The following SCN10A variants were observed in gnomAD, a reference collection of about 807,000 sequenced individuals.
SCN10A encodes sodium voltage-gated channel alpha subunit 10.
Under a neutral mutation model 170.7 loss-of-function variants are expected in SCN10A, and 162 were observed. The observed-to-expected ratio is 0.95, with a 90% CI of 0.84 to 1.08. The LOEUF is 1.08. Ranked by LOEUF, SCN10A falls within the 50% of genes least tolerant of loss-of-function variation. The pLI, the probability that SCN10A is intolerant of heterozygous loss-of-function variation, is 0.00. For synonymous variants in SCN10A, 985 were observed against 904.6 expected, an observed-to-expected ratio of 1.09 and a Z score of -1.59; for missense variants, 2,527 against 2,436.9, an observed-to-expected ratio of 1.04 and a Z score of -0.78.
At chr3:38,775,305 G>T (rs992832658) in intron 4 of SCN10A, among the ~76,000 whole-genome samples, 9 of 152,054 alleles carry the variant, frequency 5.9e-5, no homozygotes, top group Admixed American at 3.9e-4. Context: ...GCCTGTTCTA[G>T]GTACCTACTA....
intron 4 of SCN10A, among the ~76,000 whole-genome samples, chr3:38,777,753 G>A (rs1469215980): frequency 1.3e-5 from 2 of 152,048 alleles, no homozygotes; most frequent in East Asian, 1.9e-4. Context: ...AGATTACTGG[G>A]AGAAACAGAT....
intron 15 of SCN10A, among the ~76,000 whole-genome samples, chr3:38,732,913 T>C (rs1236665791): frequency 6.6e-6 from 1 of 152,190 alleles, no homozygotes; most frequent in Admixed American, 6.5e-5. Context: ...GCTTCTAGAT[T>C]CCAGGCAGTG....
intron 1 of SCN10A, among the ~76,000 whole-genome samples, chr3:38,800,680 C>A (rs1426945321): frequency 6.6e-6 from 1 of 152,110 alleles, no homozygotes; most frequent in Non-Finnish European, 1.5e-5. Context: ...GGACTTCCTG[C>A]CTTTTGTTGT....
intron 1 of SCN10A, among the ~76,000 whole-genome samples, chr3:38,804,268 A>G (rs566120987): frequency 1.2e-4 from 18 of 152,150 alleles, no homozygotes; most frequent in African/African-American, 4.1e-4. Flanking sequence ...CTTCATGTTT[A>G]TAATTACATA....
intron 4 of SCN10A, among the ~76,000 whole-genome samples, chr3:38,772,444 C>T (rs1271908393): frequency 3.3e-5 from 5 of 152,100 alleles, no homozygotes; most frequent in Admixed American, 3.3e-4. Context: ...AATCGCAGCA[C>T]TTTGGGAGGC....
chr3:38,775,271 T>C (rs953364262), intron 4 of SCN10A, among the ~76,000 whole-genome samples: 20 of 152,126 alleles, frequency 1.3e-4, no homozygotes, highest in Non-Finnish European at 2.8e-4. Flanking sequence ...CAACTTCCAT[T>C]CTACTTTCTG....
intron 26 of SCN10A, among the ~76,000 whole-genome samples, chr3:38,706,666 A>G (rs1213811497): frequency 2.0e-5 from 3 of 152,326 alleles, no homozygotes; most frequent in African/African-American, 7.2e-5. Flanking sequence ...TGGGTAGTAC[A>G]TTTAATGGAG....
chr3:38,714,966 TG>T (rs899944131), intron 21 of SCN10A, among the ~76,000 whole-genome samples: 14 of 152,096 alleles, frequency 9.2e-5, no homozygotes, highest in Non-Finnish European at 1.9e-4. Flanking sequence ...GGCAGTTAGG[TG>T]GGATGCACAC....
intron 19 of SCN10A, 77 bp from the exon 20 acceptor site, chr3:38,722,489 C>A: frequency 6.6e-7 from 1 of 1,507,530 alleles, no homozygotes. Flanking sequence ...TGCAGAGAAA[C>A]CATTCTGCTA....
At chr3:38,737,216 T>C (rs975374237) in intron 15 of SCN10A, among the ~76,000 whole-genome samples, 3 of 150,548 alleles carry the variant, frequency 2.0e-5, no homozygotes. Flanking sequence ...GTGATCCGCC[T>C]GCCTCGGCCT....
chr3:38,713,836 C>G lies in SCN10A; in HGVS notation c.3804+122G>C, dbSNP rs1474167693. On this transcript the variant is annotated intron_variant, in intron 22 of 27. Transcript: ENST00000449082. ...AGAGACAGGGTTTCGGCATGTTGGC[C>G]AGGGTGGTTTTGAACTCCTAACCTC... 1.0e-5 allele frequency: 12 copies of G among 1,145,648 alleles called. No individual in the cohort carries two copies. In the East Asian group the frequency reaches 2.7e-4, roughly 25 times the overall value. The allele number at this position is 1,145,648 out of a possible 1,614,324, so 71.0% of individuals were successfully genotyped here.
At position 38,698,497 on chromosome 3, in the gene SCN10A, T is replaced by C. The variant is rs140694303; in HGVS notation, c.4723A>G (p.Ile1575Val). ...ATGCGGCCAATTCGGGCCAGGCGGATGACTCTGAAGAGCGTTGGGGAGAAG... is the reference window on the plus strand; with the variant it reads ...ATGCGGCCAATTCGGGCCAGGCGGACGACTCTGAAGAGCGTTGGGGAGAAG... ...SYFSPTLFRVIRLARIGRILR... is the reference protein window; with the variant it reads ...SYFSPTLFRVVRLARIGRILR... The change falls in exon 28 of 28, where the codon ATC (isoleucine) becomes GTC (valine). Residue 1575 changes from isoleucine (I) to valine (V), a missense_variant. Coordinates refer to ENST00000449082, the MANE Select transcript of SCN10A (RefSeq NM_006514.4). 15 of 1,614,054 alleles carry C rather than the reference T, an allele frequency of 9.3e-6. No homozygotes were observed. In the African/African-American group the frequency reaches 1.9e-4, roughly 20 times the overall value.
intron 20 of SCN10A, among the ~76,000 whole-genome samples, chr3:38,719,369 T>C (rs2063365197): frequency 2.5e-4 from 1 of 3,986 alleles, no homozygotes; most frequent in Non-Finnish European, 5.4e-4. Flanking sequence ...CTGCCACTCT[T>C]TTTTTTTTTT....
At chr3:38,706,908 A>G (rs1232357508) in intron 26 of SCN10A, among the ~76,000 whole-genome samples, 1 of 152,026 alleles carries the variant, frequency 6.6e-6, no homozygotes, top group African/African-American at 2.4e-5. Context: ...CTGGAGATCT[A>G]CTGCGACCTA....
At chr3:38,707,481 C>T (rs976789275) in intron 25 of SCN10A, 98 bp from the exon 26 acceptor site, 11 of 1,226,656 alleles carry the variant, frequency 9.0e-6, no homozygotes, top group East Asian at 7.0e-5. Flanking sequence ...CAACCTTCTC[C>T]CCTCCTCTGC....
chr3:38,800,160 T>C (rs2064362906), intron 1 of SCN10A, among the ~76,000 whole-genome samples: 1 of 152,170 alleles, frequency 6.6e-6, no homozygotes. Flanking sequence ...CCAAAGCTCC[T>C]ACAACAGACA....
Position 38,718,734 on chromosome 3 carries a change from C to A in SCN10A, c.3600G>T (p.Glu1200Asp). Residue 1200 changes from glutamate to aspartate, a missense_variant, in exon 21 of 28, where the codon GAG (glutamate) becomes GAT (aspartate). Transcript: ENST00000449082. ...CATAGGCCACCCACTTAAGCAGCAT[C>A]TCGAACACAAAGATAAAGGTGAAGA... ...DRVFTFIFVF[E>D]MLLKWVAYGF... 6.2e-7 allele frequency: 1 copy of A among 1,614,224 alleles called. No individual in the cohort carries two copies. Among genetic ancestry groups the A allele is most frequent in the Non-Finnish European group, 8.5e-7 (1 of 1,180,042 alleles).
chr3:38,794,745 G>A (rs2064327437), intron 1 of SCN10A, among the ~76,000 whole-genome samples: 1 of 152,158 alleles, frequency 6.6e-6, no homozygotes, highest in African/African-American at 2.4e-5. Flanking sequence ...GTATTGCCTG[G>A]GAATCATATG....
In SCN10A at chr3:38,794,054, G is replaced by A. The variant is rs775979839; in HGVS notation, c.-32-12C>T. 8 of 1,571,296 alleles carry A rather than the reference G, an allele frequency of 5.1e-6. No individual in the cohort carries two copies. The South Asian group carries it at 7.9e-5, about 16-fold the overall frequency. On this transcript the variant is annotated splice_polypyrimidine_tract_variant and intron_variant, in intron 1 of 27. Transcript: ENST00000449082. ...GAAGTATTTATACTCTTATAAGAGT[G>A]GACATAACCACAGAGAGGTGACAGC...
Sources: allele counts gnomAD v4.1 joint callset (sites outside exome capture counted in the v4.1 genomes callset), GRCh38; gene constraint gnomAD v4.1.1; transcripts MANE v1.5; gene names NCBI Gene and HGNC (gene_info 2026-07-23, HGNC 2026-07-21).